LFNG: variants seen among roughly 807,000 people sequenced by gnomAD.
The protein encoded by LFNG is beta-1,3-N-acetylglucosaminyltransferase lunatic fringe.
LFNG carries 15 observed loss-of-function variants against 32.7 expected under a neutral mutation model. The ratio of observed to expected loss-of-function variants is 0.46; its 90% CI spans 0.31 to 0.71. The LOEUF (loss-of-function observed/expected upper bound fraction) is 0.71, where lower values mean the gene tolerates loss of function less well. Ranked by LOEUF, LFNG falls within the 30% of genes least tolerant of loss-of-function variation. The pLI, the probability that LFNG is intolerant of heterozygous loss-of-function variation, is 0.06. For missense variants in LFNG, 520 were observed against 545.7 expected (o/e 0.95, Z 0.47); for synonymous variants, 274 against 246.8 (o/e 1.11, Z -1.03).
intron 1 of LFNG, among the ~76,000 whole-genome samples, chr7:2,522,421 C>A (rs1272979075): frequency 2.0e-5 from 3 of 152,204 alleles, no homozygotes; most frequent in Non-Finnish European, 4.4e-5. Flanking sequence ...AAGAGCCTGG[C>A]CTTTGGCCCA....
upstream of LFNG, among the ~76,000 whole-genome samples, chr7:2,519,562 G>T (rs1311075946): frequency 2.7e-5 from 4 of 149,878 alleles, no homozygotes; most frequent in African/African-American, 4.9e-5. Context: ...TACCCGGGGC[G>T]GGGGGGGTGC....
rs191210040 is a variant in LFNG at position 2,512,690 on chromosome 7, G to C, written c.36G>C (p.Thr12=). ...AGACAGGAAGGCTCAGGCTGGACAC[G>C]TATTGTATGAGGTGGGCCTCAGGGT... Residue 12 remains threonine, a synonymous_variant, in exon 1 of 9, where the codon ACG becomes ACC. Transcript: ENST00000402506. 2.5e-5 allele frequency: 41 copies of C among 1,613,776 alleles called. No individual in the cohort carries two copies. The Admixed American group carries it at 3.0e-4, about 12-fold the overall frequency.
Position 2,526,225 on chromosome 7 carries a change from G to A in LFNG, c.822-19G>A, listed in dbSNP as rs778857629. ...GGCTCCCGCCTCTGCTCACTGGTCT[G>A]GGCCCTTCCCTCCCGCAGCGGGGGT... On this transcript the variant is annotated intron_variant, in intron 5 of 7. Transcript: ENST00000222725. This position sits in a 1 kb window ranked among gnomAD's most constrained non-coding sequence, Gnocchi z 6.9. 8.7e-6 allele frequency: 14 copies of A among 1,612,250 alleles called. No homozygotes were observed. Among genetic ancestry groups the A allele is most frequent in the Non-Finnish European group, 1.1e-5 (13 of 1,179,892 alleles).
At chr7:2,522,931 G>A (rs555395201) in intron 1 of LFNG, among the ~76,000 whole-genome samples, 4 of 152,324 alleles carry the variant, frequency 2.6e-5, no homozygotes, top group South Asian at 2.1e-4. Flanking sequence ...GCCCAGCAGC[G>A]CCTTTTTCCT....
chr7:2,519,898 C>T lies in LFNG; in HGVS notation c.37C>T (p.Leu13=). The change falls in exon 1 of 8, where the codon CTG becomes TTG. Residue 13 remains leucine, a synonymous_variant. Coordinates refer to ENST00000222725, the MANE Select transcript of LFNG (RefSeq NM_001040167.2). ...KRCGRRLLLA[L]AGALLACLLV... is the part of the protein sequence containing the mutation. ...CTGCGGCCGGCGCCTGCTGCTGGCG[C>T]TGGCGGGCGCGCTGCTCGCCTGCCT... 1 of 1,101,104 alleles carries T rather than the reference C, an allele frequency of 9.1e-7. No homozygotes were observed. Among genetic ancestry groups the T allele is most frequent in the Non-Finnish European group, 1.1e-6 (1 of 899,954 alleles). The allele number at this position is 1,101,104 out of a possible 1,614,324, so 68.2% of individuals were successfully genotyped here.
upstream of LFNG, among the ~76,000 whole-genome samples, chr7:2,518,793 G>T (rs1779694014): frequency 6.6e-6 from 1 of 152,146 alleles, no homozygotes; most frequent in African/African-American, 2.4e-5. Context: ...TCCGGAGGAC[G>T]TGGCGGGCAG....
Position 2,526,988 on chromosome 7 carries a change from G to A in LFNG, c.1073+67G>A. Reference sequence around the variant, plus strand: ...TAGGGGCGTCAGGGGGCCTCGTGGAGCTGCAGCAGGGTCTCTCTAAGCGGC... The same window carrying A: ...TAGGGGCGTCAGGGGGCCTCGTGGAACTGCAGCAGGGTCTCTCTAAGCGGC... On this transcript the variant is annotated intron_variant, in intron 7 of 7. Transcript: ENST00000222725. The surrounding 1 kb of genome is among the most constrained non-coding windows in gnomAD (Gnocchi z 6.9). The A allele has an allele frequency of 6.7e-7, 1 of 1,491,146 alleles. No individual in the cohort carries two copies. Among genetic ancestry groups the A allele is most frequent in the African/African-American group, 1.4e-5 (1 of 72,324 alleles). The allele number at this position is 1,491,146 out of a possible 1,614,324, so 92.4% of individuals were successfully genotyped here. A position where few individuals can be genotyped will look rare whatever the true frequency, so the allele number is the denominator to read the frequency against.
chr7:2,526,190 C>G lies in LFNG; in HGVS notation c.822-54C>G, dbSNP rs747841408. 1 of 1,600,504 alleles carries G rather than the reference C, an allele frequency of 6.2e-7. No individual in the cohort carries two copies. Among genetic ancestry groups the G allele is most frequent in the Non-Finnish European group, 8.5e-7 (1 of 1,172,396 alleles). The stretch of plus-strand genomic sequence containing the variant: ...TTTGCCTGGTGGGGCCTCCCCAGCT[C>G]CCAGCAGATGGCTCCCGCCTCTGCT... On this transcript the variant is annotated intron_variant, in intron 5 of 7. Transcript: ENST00000222725. The surrounding 1 kb of genome is among the most constrained non-coding windows in gnomAD (Gnocchi z 6.9).
chr7:2,524,794 G>C, intron 2 of LFNG, 51 bp downstream of exon 2: 1 of 1,492,604 alleles, frequency 6.7e-7, no homozygotes. Flanking sequence ...ATCCAGAGCC[G>C]AACGCTCCCC....
intron 1 of LFNG, chr7:2,523,718 G>C (rs1178575058): frequency 6.6e-6 from 1 of 152,354 alleles, no homozygotes; most frequent in Non-Finnish European, 1.5e-5. Context: ...CAGGTGGGCT[G>C]TGGCCTTGGG....
chr7:2,516,702 C>T (rs1315239572), upstream of LFNG, among the ~76,000 whole-genome samples: 4 of 152,198 alleles, frequency 2.6e-5, no homozygotes, highest in African/African-American at 7.2e-5. Flanking sequence ...ATTCGCACAC[C>T]CAGCTGCCTG....
At chr7:2,524,593 G>A (rs1289711513) in intron 1 of LFNG, 102 bp from the exon 2 acceptor site, 2 of 1,104,802 alleles carry the variant, frequency 1.8e-6, no homozygotes, top group Non-Finnish European at 2.7e-6. Context: ...GTGTGACGCA[G>A]CTGCAGCTGC....
Position 2,526,099 on chromosome 7 carries a change from G to A in LFNG, c.822-145G>A. Reference sequence around the variant, plus strand: ...GGGAGTGTGCCCTGGCTGTGGCCAGGGGAGGCAGAGGGAGCTGCAGCCCAG... The same window carrying A: ...GGGAGTGTGCCCTGGCTGTGGCCAGAGGAGGCAGAGGGAGCTGCAGCCCAG... On this transcript the variant is annotated intron_variant, in intron 5 of 7. Transcript: ENST00000222725. This position sits in a 1 kb window ranked among gnomAD's most constrained non-coding sequence, Gnocchi z 6.9. 1 of 796,348 alleles carries A rather than the reference G, an allele frequency of 1.3e-6. No homozygotes were observed. The highest frequency in any genetic ancestry group is 2.0e-6 in the Non-Finnish European group (1 of 502,592). The allele number at this position is 796,348 out of a possible 1,614,324, so 49.3% of individuals were successfully genotyped here.
At position 2,526,851 on chromosome 7, in the gene LFNG, G is replaced by A. The variant is rs764991226; in HGVS notation, c.1003G>A (p.Gly335Ser). The change falls in exon 7 of 8, where the codon GGT (glycine) becomes AGT (serine). Residue 335 changes from glycine to serine, a missense_variant. By Grantham distance (56) the Gly-to-Ser change is moderately conservative (BLOSUM62 0). Around this residue, in one of 3 missense-constraint regions of LFNG, gnomAD observed 150 missense variants for 159.9 expected, o/e 0.94. Transcript: ENST00000222725. This position sits in a 1 kb window ranked among gnomAD's most constrained non-coding sequence, Gnocchi z 6.9. ...ELHEQVTLSY[G>S]MFENKRNAVH... ...CTCCCCACAGGTGACGCTGAGCTAC[G>A]GTATGTTTGAAAACAAGCGGAACGC... 50 of 1,612,344 alleles carry A rather than the reference G, an allele frequency of 3.1e-5. No individual in the cohort carries two copies. Among genetic ancestry groups the A allele is most frequent in the Admixed American group, 2.5e-4 (15 of 59,966 alleles).
In LFNG at chr7:2,512,719, T is replaced by G. The variant is rs1404169112; in HGVS notation, c.47+18T>G. On this transcript the variant is annotated intron_variant, in intron 1 of 8. Coordinates refer to the LFNG transcript ENST00000402506. ...TGTATGAGGTGGGCCTCAGGGTTGC[T>G]TTTCCTCCTAGAATGCCACTCAGAG... is the stretch of plus-strand genomic sequence containing the variant. 4 of 1,612,018 alleles carry G rather than the reference T, an allele frequency of 2.5e-6. No individual in the cohort carries two copies. In the East Asian group the frequency reaches 8.9e-5, roughly 36 times the overall value.
upstream of LFNG, among the ~76,000 whole-genome samples, chr7:2,519,206 C>A (rs1325791596): frequency 2.0e-5 from 3 of 152,148 alleles, no homozygotes; most frequent in African/African-American, 7.2e-5. Flanking sequence ...TCCCCACCTG[C>A]GGCACAGGTG....
downstream of LFNG, chr7:2,528,893 GA>G (rs1416566406): frequency 3.6e-6 from 2 of 548,168 alleles, no homozygotes; most frequent in South Asian, 2.2e-5. Flanking sequence ...CTGAGGCACG[GA>G]GCAGCTGATG....
At chr7:2,517,324 C>T (rs533064245), upstream of LFNG, among the ~76,000 whole-genome samples, 1 of 152,326 alleles carries the variant, frequency 6.6e-6, no homozygotes, top group East Asian at 1.9e-4. Flanking sequence ...GTAAAGCTTC[C>T]TCCCGCTGCT....
upstream of LFNG, among the ~76,000 whole-genome samples, chr7:2,515,901 C>T (rs906695368): frequency 2.0e-5 from 3 of 152,254 alleles, no homozygotes; most frequent in Admixed American, 6.5e-5. Flanking sequence ...TGCCACCCTG[C>T]GGTATCCCTC....
Sources: allele counts gnomAD v4.1 joint callset (sites outside exome capture counted in the v4.1 genomes callset), GRCh38; gene constraint gnomAD v4.1.1; regional missense constraint gnomAD v4.1.1; non-coding constraint Gnocchi (gnomAD v3.1); transcripts MANE v1.5; gene names NCBI Gene and HGNC (gene_info 2026-07-23, HGNC 2026-07-21).